ZMIZ1: variants seen among roughly 807,000 people sequenced by gnomAD.
ZMIZ1 encodes zinc finger MIZ domain-containing protein 1.
ZMIZ1 carries 17 observed loss-of-function variants against 113.9 expected under a neutral mutation model. The observed-to-expected ratio is 0.15, with a 90% CI of 0.10 to 0.22. ZMIZ1 has a LOEUF of 0.22. Ranked by LOEUF, ZMIZ1 falls within the 10% of genes least tolerant of loss-of-function variation. ZMIZ1 has a pLI of 1.00. For missense variants in ZMIZ1, 1,059 were observed against 1,477.8 expected, an observed-to-expected ratio of 0.72 and a Z score of 4.65; for synonymous variants, 607 against 603.1, an observed-to-expected ratio of 1.01 and a Z score of -0.09.
Position 79,296,342 on chromosome 10 carries a change from G to A in ZMIZ1, c.1231-129G>A, listed in dbSNP as rs1036880983. On this transcript the variant is annotated intron_variant, in intron 12 of 24. Coordinates refer to ENST00000334512, the MANE Select transcript of ZMIZ1 (RefSeq NM_020338.4). The surrounding 1 kb of genome is among the most constrained non-coding windows in gnomAD (Gnocchi z 4.1). ...CGAGAAGGGGCCCAAAGCATTATCT[G>A]GTTTTGTGGGTGGGAAACAGCAGGA... 9.5e-7 allele frequency: 1 copy of A among 1,051,420 alleles called. No individual in the cohort carries two copies. The highest frequency in any genetic ancestry group is 1.6e-5 in the African/African-American group (1 of 63,624). The allele number at this position is 1,051,420 out of a possible 1,614,324, so 65.1% of individuals were successfully genotyped here. A position where few individuals can be genotyped will look rare whatever the true frequency, so the allele number is the denominator to read the frequency against.
chr10:79,245,581 G>A (rs577922480), intron 7 of ZMIZ1, among the ~76,000 whole-genome samples: 2 of 152,294 alleles, frequency 1.3e-5, no homozygotes, highest in East Asian at 3.9e-4. Flanking sequence ...CATTGGTTGA[G>A]CACCCAGTCC....
chr10:79,288,899 G>A lies in ZMIZ1; in HGVS notation c.426-876G>A, dbSNP rs150697950. 4.2e-3 allele frequency among the ~76,000 whole-genome samples: 637 copies of A among 152,322 alleles called. 1 individual carries two copies. Among genetic ancestry groups the A allele is most frequent in the African/African-American group, 0.014 (568 of 41,558 alleles). ...GCTCCTTGGGGAGATGTCCACAAAC[G>A]TGGTGGGTACTGCTGGACCTGGTGA... On this transcript the variant is annotated intron_variant, in intron 8 of 24. Transcript: ENST00000334512.
intron 1 of ZMIZ1, among the ~76,000 whole-genome samples, chr10:79,096,526 G>A (rs1181558827): frequency 6.6e-6 from 1 of 152,138 alleles, no homozygotes. Flanking sequence ...GAAAAGAAAA[G>A]AAAAGAAAAG....
chr10:79,131,016 A>G (rs1444074606), intron 2 of ZMIZ1, among the ~76,000 whole-genome samples: 1 of 152,156 alleles, frequency 6.6e-6, no homozygotes, highest in Non-Finnish European at 1.5e-5. Context: ...CTGAGACTCC[A>G]GGAAGCCAGC....
intron 4 of ZMIZ1, among the ~76,000 whole-genome samples, chr10:79,194,694 C>T (rs930809301): frequency 2.0e-5 from 3 of 152,246 alleles, no homozygotes; most frequent in Admixed American, 6.5e-5. Flanking sequence ...TTCCTCTCCC[C>T]ACCTCCGCTT....
At chr10:79,268,972 TGTG>T (rs1478508522) in intron 7 of ZMIZ1, among the ~76,000 whole-genome samples, 3 of 152,116 alleles carry the variant, frequency 2.0e-5, no homozygotes, top group Admixed American at 2.0e-4. Flanking sequence ...ATCATCAGGA[TGTG>T]GTGACCAGCG....
chr10:79,298,390 T>C lies in ZMIZ1; in HGVS notation c.1492-16T>C. 2 of 1,605,354 alleles carry C rather than the reference T, an allele frequency of 1.2e-6. No individual in the cohort carries two copies. The highest frequency in any genetic ancestry group is 1.7e-6 in the Non-Finnish European group (2 of 1,176,068). ...CGTAATCCCATAACTCGTGCGTGTCTTTTCTTTCCCTCCAGCCTCCCAGGC... is the reference window on the plus strand; with the variant it reads ...CGTAATCCCATAACTCGTGCGTGTCCTTTCTTTCCCTCCAGCCTCCCAGGC... On this transcript the variant is annotated splice_polypyrimidine_tract_variant and intron_variant, in intron 14 of 24. Coordinates refer to ENST00000334512, the MANE Select transcript of ZMIZ1 (RefSeq NM_020338.4).
chr10:79,278,897 T>C (rs1211449793), intron 8 of ZMIZ1, among the ~76,000 whole-genome samples: 1 of 152,258 alleles, frequency 6.6e-6, no homozygotes, highest in Non-Finnish European at 1.5e-5. Flanking sequence ...TTCCCCCTTT[T>C]CTATTCGACA....
chr10:79,104,948 G>GGGGT (rs765266782), intron 1 of ZMIZ1, among the ~76,000 whole-genome samples: 12 of 127,710 alleles, frequency 9.4e-5, no homozygotes, highest in Admixed American at 7.2e-4. Context: ...TTGTTGTTGT[G>GGGGT]GGGTGTGTGT....
At chr10:79,100,075 G>A (rs1330310821) in intron 1 of ZMIZ1, among the ~76,000 whole-genome samples, 1 of 152,126 alleles carries the variant, frequency 6.6e-6, no homozygotes, top group Admixed American at 6.5e-5. Flanking sequence ...GCTAGGCCCT[G>A]GATGACTGGT....
chr10:79,245,247 T>C (rs1850121910), intron 7 of ZMIZ1, among the ~76,000 whole-genome samples: 1 of 152,200 alleles, frequency 6.6e-6, no homozygotes, highest in Non-Finnish European at 1.5e-5. Context: ...TCACAGCCTG[T>C]GCGCTCAGGG....
intron 7 of ZMIZ1, among the ~76,000 whole-genome samples, chr10:79,267,192 G>T (rs1396656891): frequency 4.6e-5 from 7 of 152,218 alleles, no homozygotes; most frequent in Admixed American, 1.3e-4. Context: ...CTGGATGTGG[G>T]CACAGTTGGG....
In ZMIZ1 at chr10:79,072,817, G is replaced by A. The variant is rs1024885107; in HGVS notation, c.-337+3547G>A. ...TGGACAACAAAGGCCAGGCTGCCAC[G>A]ATTACCCAGGACACTGCTGCAGCCT... On this transcript the variant is annotated intron_variant, in intron 1 of 24. Coordinates refer to ENST00000334512, the MANE Select transcript of ZMIZ1 (RefSeq NM_020338.4). Among the ~76,000 whole-genome samples the A allele has an allele frequency of 4.6e-5, 7 of 152,344 alleles. No homozygotes were observed. In the South Asian group the frequency reaches 1.4e-3, roughly 32 times the overall value.
chr10:79,189,144 C>T lies in ZMIZ1; in HGVS notation c.-49-12440C>T, dbSNP rs1241225574. ...AGCTCCTTCCCTAATCCATCCTTCC[C>T]TCTGGAACATTTGTGACTGTCCTTT... On this transcript the variant is annotated intron_variant, in intron 4 of 24. Transcript: ENST00000334512. Among the ~76,000 whole-genome samples the T allele has an allele frequency of 2.0e-5, 3 of 152,240 alleles. No individual in the cohort carries two copies. The East Asian group carries it at 5.8e-4, about 29-fold the overall frequency.
chr10:79,193,107 C>T (rs965422939), intron 4 of ZMIZ1, among the ~76,000 whole-genome samples: 4 of 152,232 alleles, frequency 2.6e-5, no homozygotes, highest in African/African-American at 9.6e-5. Flanking sequence ...GACGTGACCA[C>T]AGGCAGCTTC....
chr10:79,071,140 C>T (rs1476587757), intron 1 of ZMIZ1, among the ~76,000 whole-genome samples: 1 of 152,198 alleles, frequency 6.6e-6, no homozygotes, highest in South Asian at 2.1e-4. Context: ...AGTGGGCGGC[C>T]GCCTGTGGAA....
At chr10:79,277,653 G>A (rs916492531) in intron 8 of ZMIZ1, among the ~76,000 whole-genome samples, 20 of 152,166 alleles carry the variant, frequency 1.3e-4, no homozygotes, top group Non-Finnish European at 2.9e-4. Context: ...GGGCTGACAG[G>A]GATCTCAGGA....
intron 7 of ZMIZ1, among the ~76,000 whole-genome samples, chr10:79,273,146 C>A (rs1433148182): frequency 6.6e-6 from 1 of 152,178 alleles, no homozygotes; most frequent in Non-Finnish European, 1.5e-5. Context: ...TTCTCCTCCC[C>A]CAAAGAAGGC....
chr10:79,100,026 C>G (rs921481395), intron 1 of ZMIZ1, among the ~76,000 whole-genome samples: 3 of 152,060 alleles, frequency 2.0e-5, no homozygotes, highest in African/African-American at 2.4e-5. Context: ...GTGTAATGGA[C>G]CACACACCCT....
Sources: allele counts gnomAD v4.1 joint callset (sites outside exome capture counted in the v4.1 genomes callset), GRCh38; gene constraint gnomAD v4.1.1; non-coding constraint Gnocchi (gnomAD v3.1); transcripts MANE v1.5; gene names NCBI Gene and HGNC (gene_info 2026-07-23, HGNC 2026-07-21).